The following AK7 variants were observed in gnomAD, a reference collection of about 807,000 sequenced individuals.
The protein encoded by AK7 is ATP-AMP transphosphorylase 7.
In AK7, 78 loss-of-function variants were observed where a neutral mutation model predicts 96.6. That is an observed-to-expected ratio of 0.81 (90% CI 0.67 to 0.97). The LOEUF is 0.97. Ranked by LOEUF, AK7 falls within the 50% of genes least tolerant of loss-of-function variation. AK7 has a pLI of 0.00. For missense variants in AK7, 855 were observed against 887.9 expected, an observed-to-expected ratio of 0.96 and a Z score of 0.47; for synonymous variants, 302 against 317.2, an observed-to-expected ratio of 0.95 and a Z score of 0.51.
intron 4 of AK7, among the ~76,000 whole-genome samples, chr14:96,413,138 T>G (rs1891136824): frequency 6.6e-6 from 1 of 152,166 alleles, no homozygotes. Context: ...TGGGATAGGC[T>G]GGAACCTATT....
chr14:96,469,788 G>C (rs1384686511), intron 12 of AK7, among the ~76,000 whole-genome samples: 1 of 152,104 alleles, frequency 6.6e-6, no homozygotes, highest in Non-Finnish European at 1.5e-5. Context: ...CTGAAAGGTA[G>C]AAGAAAGGAG....
At chr14:96,448,137 A>G (rs1893351566) in intron 8 of AK7, among the ~76,000 whole-genome samples, 1 of 151,792 alleles carries the variant, frequency 6.6e-6, no homozygotes, top group Non-Finnish European at 1.5e-5. Flanking sequence ...AAAAAAAAAA[A>G]AAAAAGAAAA....
At chr14:96,487,223 A>AT (rs1415510484) in intron 17 of AK7, among the ~76,000 whole-genome samples, 167 bp downstream of exon 17, 2 of 149,792 alleles carry the variant, frequency 1.3e-5, no homozygotes, top group African/African-American at 4.9e-5. Context: ...AAAATACAAA[A>AT]AAAAAAAAAA....
chr14:96,432,494 C>A (rs1885249495), intron 5 of AK7, among the ~76,000 whole-genome samples: 1 of 152,150 alleles, frequency 6.6e-6, no homozygotes. Flanking sequence ...ATGGTCTTTA[C>A]AATTTGGCAT....
At chr14:96,483,721 C>A (rs543118772) in intron 16 of AK7, among the ~76,000 whole-genome samples, 1 of 152,190 alleles carries the variant, frequency 6.6e-6, no homozygotes, top group Non-Finnish European at 1.5e-5. Flanking sequence ...CCACCATGCC[C>A]AGCTTGCTTA....
At chr14:96,416,282 G>A (rs1432176741) in intron 4 of AK7, among the ~76,000 whole-genome samples, 1 of 152,026 alleles carries the variant, frequency 6.6e-6, no homozygotes, top group African/African-American at 2.4e-5. Context: ...AGATACTCAG[G>A]AGGCCGAGGC....
intron 17 of AK7, among the ~76,000 whole-genome samples, chr14:96,487,315 T>G (rs1595474531): frequency 9.6e-6 from 1 of 103,702 alleles, no homozygotes; most frequent in Non-Finnish European, 1.8e-5. Flanking sequence ...ACCCTGGAGG[T>G]GGAGGTTGCA....
At chr14:96,443,173 C>A (rs1893050038) in intron 7 of AK7, among the ~76,000 whole-genome samples, 1 of 152,216 alleles carries the variant, frequency 6.6e-6, no homozygotes, top group Non-Finnish European at 1.5e-5. Flanking sequence ...TCTAACCCGT[C>A]AACTTAAATT....
chr14:96,456,261 A>T (rs891945247), intron 10 of AK7, 86 bp from the exon 11 acceptor site: 19 of 783,192 alleles, frequency 2.4e-5, no homozygotes, highest in Non-Finnish European at 2.9e-5. Context: ...AAAAAAAAAA[A>T]GCACTCCCCT....
chr14:96,418,269 C>T (rs1035641455), intron 4 of AK7, among the ~76,000 whole-genome samples: 12 of 142,142 alleles, frequency 8.4e-5, no homozygotes, highest in South Asian at 2.2e-4. Flanking sequence ...GGCTGCAGTG[C>T]GCTGTGATTG....
chr14:96,478,346 C>A, intron 14 of AK7, 119 bp from the exon 15 acceptor site: 1 of 969,200 alleles, frequency 1.0e-6, no homozygotes, highest in Non-Finnish European at 1.6e-6. Flanking sequence ...GCCAATTGGA[C>A]AGGCTATTTG....
At position 96,404,835 on chromosome 14, in the gene AK7, C is replaced by G. The variant is rs1450129316; in HGVS notation, c.373C>G (p.Gln125Glu). The G allele has an allele frequency of 2.5e-6, 4 of 1,610,256 alleles. No homozygotes were observed. The highest frequency in any genetic ancestry group is 3.4e-6 in the Non-Finnish European group (4 of 1,177,232). ...TTATAACATCACTGAGAGCTCACAGCAAATGGAGGAAGCCATCTGGGCAGT... is the reference window on the plus strand; with the variant it reads ...TTATAACATCACTGAGAGCTCACAGGAAATGGAGGAAGCCATCTGGGCAGT... Reference protein sequence around the residue: ...IIYNITESSQQMEEAIWAVSA... With the variant: ...IIYNITESSQEMEEAIWAVSA... The change falls in exon 3 of 18, where the codon CAA (glutamine) becomes GAA (glutamate). Residue 125 changes from glutamine to glutamate, a missense_variant. Coordinates refer to ENST00000267584, the MANE Select transcript of AK7 (RefSeq NM_152327.5).
At chr14:96,442,895 T>C in intron 7 of AK7, 77 bp downstream of exon 7, 1 of 1,321,514 alleles carries the variant, frequency 7.6e-7, no homozygotes, top group Non-Finnish European at 1.1e-6. Flanking sequence ...TTTTTGAGCA[T>C]TTGCCTAGTG....
At chr14:96,408,032 C>T (rs1268077718) in intron 3 of AK7, among the ~76,000 whole-genome samples, 1 of 152,172 alleles carries the variant, frequency 6.6e-6, no homozygotes, top group African/African-American at 2.4e-5. Flanking sequence ...TTCTCTCCAC[C>T]TCTATCCTAA....
chr14:96,476,619 C>T (rs1895201771), intron 14 of AK7, among the ~76,000 whole-genome samples: 1 of 151,922 alleles, frequency 6.6e-6, no homozygotes, highest in Non-Finnish European at 1.5e-5. Flanking sequence ...TCGCTATCCA[C>T]AGTTAGCCAG....
intron 12 of AK7, among the ~76,000 whole-genome samples, chr14:96,464,052 G>A (rs543958250): frequency 1.3e-5 from 2 of 152,082 alleles, no homozygotes; most frequent in Admixed American, 6.6e-5. Flanking sequence ...AAAAATTGAG[G>A]GTGAGCCACA....
intron 5 of AK7, among the ~76,000 whole-genome samples, chr14:96,425,766 G>T (rs1891994603): frequency 6.6e-6 from 1 of 152,144 alleles, no homozygotes; most frequent in African/African-American, 2.4e-5. Context: ...TTACAGGTGT[G>T]AGCCACCGTG....
At chr14:96,460,060 T>C (rs1159870311) in intron 12 of AK7, among the ~76,000 whole-genome samples, 1 of 152,204 alleles carries the variant, frequency 6.6e-6, no homozygotes, top group Non-Finnish European at 1.5e-5. Context: ...TTCCCTTGGA[T>C]AGAATTTCAG....
intron 8 of AK7, among the ~76,000 whole-genome samples, chr14:96,447,992 A>C (rs751877298): frequency 1.3e-5 from 2 of 151,362 alleles, no homozygotes. Context: ...TTAGCCGTGC[A>C]TGGTGGTGTG....
Sources: gnomAD v4.1 joint callset for allele counts (sites outside exome capture counted in the v4.1 genomes callset) on GRCh38, gnomAD v4.1.1 for gene constraint, MANE v1.5 for transcripts, NCBI Gene and HGNC (gene_info 2026-07-23, HGNC 2026-07-21) for gene names.